Variants in GPC6 observed in about 807,000 individuals in gnomAD.
GPC6 encodes glypican 6, also known as glypican-6.
GPC6 carries 14 observed loss-of-function variants against 55.2 expected under a neutral mutation model. The ratio of observed to expected loss-of-function variants is 0.25; its 90% CI spans 0.17 to 0.40. The LOEUF (loss-of-function observed/expected upper bound fraction) is 0.40, where lower values mean the gene tolerates loss of function less well. Ranked by LOEUF, GPC6 falls within the 10% of genes least tolerant of loss-of-function variation. The probability of loss-of-function intolerance (pLI) is 1.00; values close to 1 mark genes in which losing one functional copy is unlikely to be tolerated. For synonymous variants in GPC6, 278 were observed against 259.6 expected, an observed-to-expected ratio of 1.07 and a Z score of -0.68; for missense variants, 641 against 708.5, an observed-to-expected ratio of 0.90 and a Z score of 1.08.
At chr13:93,295,511 G>A (rs959554935) in intron 1 of GPC6, among the ~76,000 whole-genome samples, 1 of 151,872 alleles carries the variant, frequency 6.6e-6, no homozygotes, top group Non-Finnish European at 1.5e-5. Flanking sequence ...GTGTGTGTGT[G>A]TTTTTGAGAC....
chr13:93,854,175 C>A (rs1419418614), intron 3 of GPC6, among the ~76,000 whole-genome samples: 1 of 151,630 alleles, frequency 6.6e-6, no homozygotes, highest in African/African-American at 2.4e-5. Context: ...CCAACAGAGA[C>A]CTAACAGAGA....
At chr13:93,547,133 A>G (rs985566330) in intron 2 of GPC6, among the ~76,000 whole-genome samples, 2 of 150,752 alleles carry the variant, frequency 1.3e-5, no homozygotes, top group Non-Finnish European at 2.9e-5. Context: ...GATTGAGGCC[A>G]TCCTGGCCAA....
intron 2 of GPC6, among the ~76,000 whole-genome samples, chr13:93,695,869 C>G (rs892880342): frequency 2.6e-5 from 4 of 152,040 alleles, no homozygotes; most frequent in African/African-American, 9.7e-5. Context: ...ATTTTCCACC[C>G]ATTTTTGTTC....
At chr13:93,547,158 A>G (rs9524123) in intron 2 of GPC6, among the ~76,000 whole-genome samples, 26,069 of 137,224 alleles carry the variant, frequency 0.19, 2,695 homozygotes, top group East Asian at 0.3. Flanking sequence ...GTGAAACCCC[A>G]TCTCTACTAA....
chr13:93,371,912 T>C (rs886795652), intron 1 of GPC6, among the ~76,000 whole-genome samples: 4 of 152,230 alleles, frequency 2.6e-5, no homozygotes, highest in South Asian at 2.1e-4. Context: ...GAGCCCACCA[T>C]TGGAGATCTC....
chr13:93,339,652 A>C (rs1367040395), intron 1 of GPC6, among the ~76,000 whole-genome samples: 1 of 152,230 alleles, frequency 6.6e-6, no homozygotes, highest in Non-Finnish European at 1.5e-5. Flanking sequence ...TCAGTTTTGC[A>C]TAATGTTCAA....
chr13:93,791,733 G>A (rs1234158641), intron 2 of GPC6, among the ~76,000 whole-genome samples: 2 of 152,104 alleles, frequency 1.3e-5, no homozygotes, highest in East Asian at 3.9e-4. Context: ...TCTGTTGACA[G>A]CTTTAGCTTC....
chr13:93,476,607 C>T lies in GPC6; in HGVS notation c.161-68656C>T, dbSNP rs1265575235. Reference sequence around the variant, plus strand: ...GTTCTTAATACATAATTGTTGATTACTGTAAGTGCTTTTCCAAACTTTCAC... The same window carrying T: ...GTTCTTAATACATAATTGTTGATTATTGTAAGTGCTTTTCCAAACTTTCAC... On this transcript the variant is annotated intron_variant, in intron 1 of 8. Coordinates refer to ENST00000377047, the MANE Select transcript of GPC6 (RefSeq NM_005708.5). Among the ~76,000 whole-genome samples the T allele has an allele frequency of 3.3e-5, 5 of 152,164 alleles. No homozygotes were observed. The East Asian group carries it at 9.6e-4, about 29-fold the overall frequency.
chr13:93,708,382 CT>C (rs1472454995), intron 2 of GPC6, among the ~76,000 whole-genome samples: 1 of 151,736 alleles, frequency 6.6e-6, no homozygotes, highest in Non-Finnish European at 1.5e-5. Context: ...TCACATTTGC[CT>C]TACCCCAGCA....
intron 4 of GPC6, among the ~76,000 whole-genome samples, chr13:94,088,385 T>A (rs1423618107): frequency 2.0e-5 from 3 of 152,160 alleles, no homozygotes; most frequent in Admixed American, 2.0e-4. Context: ...CATAGAAACA[T>A]CCTTAAGGAG....
chr13:93,694,319 A>G (rs577321708), intron 2 of GPC6, among the ~76,000 whole-genome samples: 5 of 152,226 alleles, frequency 3.3e-5, no homozygotes, highest in Admixed American at 1.3e-4. Flanking sequence ...GCTTGATGAG[A>G]TGTTTATCTG....
At chr13:93,984,969 T>A (rs2140408534) in intron 3 of GPC6, among the ~76,000 whole-genome samples, 1 of 152,298 alleles carries the variant, frequency 6.6e-6, no homozygotes, top group African/African-American at 2.4e-5. Context: ...AAAATGTATT[T>A]TTCTTATGTA....
At chr13:94,356,252 T>TA (rs1878791265) in intron 6 of GPC6, among the ~76,000 whole-genome samples, 1 of 152,246 alleles carries the variant, frequency 6.6e-6, no homozygotes, top group South Asian at 2.1e-4. Context: ...GTAATGAACA[T>TA]ACGCGTGCAT....
At chr13:93,962,671 T>G (rs570263040) in intron 3 of GPC6, among the ~76,000 whole-genome samples, 1 of 152,284 alleles carries the variant, frequency 6.6e-6, no homozygotes, top group East Asian at 1.9e-4. Context: ...ATCCAGGTGG[T>G]AAAACCTAGA....
chr13:93,272,223 T>C (rs1443931948), intron 1 of GPC6, among the ~76,000 whole-genome samples: 1 of 152,008 alleles, frequency 6.6e-6, no homozygotes, highest in Non-Finnish European at 1.5e-5. Flanking sequence ...ATAATTATAG[T>C]TCAGTGGTAA....
At chr13:93,520,581 A>G (rs1459134858) in intron 1 of GPC6, among the ~76,000 whole-genome samples, 2 of 151,758 alleles carry the variant, frequency 1.3e-5, no homozygotes, top group African/African-American at 4.8e-5. Flanking sequence ...AGAGTGTTGG[A>G]AAATTTTGAA....
intron 2 of GPC6, among the ~76,000 whole-genome samples, chr13:93,785,918 T>A (rs1885802463): frequency 6.6e-6 from 1 of 152,132 alleles, no homozygotes; most frequent in African/African-American, 2.4e-5. Context: ...GTCATGATTG[T>A]GCCTCTGCAC....
intron 2 of GPC6, among the ~76,000 whole-genome samples, chr13:93,589,819 T>C (rs1211844673): frequency 2.0e-5 from 3 of 152,236 alleles, no homozygotes; most frequent in Non-Finnish European, 4.4e-5. Context: ...TTTTGTTTGC[T>C]TTGCTCAAAA....
chr13:93,889,277 C>T lies in GPC6; in HGVS notation c.711+58732C>T, dbSNP rs575330168. ...CCTGTCAGTTGCTGCTATCTATAAT[C>T]AGGAGGCCTGGAGGTATATATAGTT... On this transcript the variant is annotated intron_variant, in intron 3 of 8. Coordinates refer to ENST00000377047, the MANE Select transcript of GPC6 (RefSeq NM_005708.5). Among the ~76,000 whole-genome samples the T allele has an allele frequency of 5.6e-4, 85 of 152,198 alleles. 1 individual carries two copies. The highest frequency in any genetic ancestry group is 2.0e-3 in the African/African-American group (83 of 41,552).
Sources: allele counts gnomAD v4.1 joint callset (sites outside exome capture counted in the v4.1 genomes callset), GRCh38; gene constraint gnomAD v4.1.1; transcripts MANE v1.5; gene names NCBI Gene and HGNC (gene_info 2026-07-23, HGNC 2026-07-21).